Variants in BAHCC1 observed in about 807,000 individuals in gnomAD.
BAHCC1 encodes the protein BAH domain and coiled-coil containing 1.
Under a neutral mutation model 88.2 loss-of-function variants are expected in BAHCC1, and 43 were observed. The ratio of observed to expected loss-of-function variants is 0.49; its 90% CI spans 0.38 to 0.63. BAHCC1 has a LOEUF of 0.63. BAHCC1 is among the 20% of genes least tolerant of loss of function. The probability of loss-of-function intolerance (pLI) is 0.00; values close to 1 mark genes in which losing one functional copy is unlikely to be tolerated. For missense variants in BAHCC1, 3,023 were observed against 1,654.8 expected, an observed-to-expected ratio of 1.83 and a Z score of -14.34; for synonymous variants, 1,510 against 745.5, an observed-to-expected ratio of 2.03 and a Z score of -16.71.
rs888162095 is a variant in BAHCC1, at chr17:81,431,560, C to A, written c.358+4581C>A. Among the ~76,000 whole-genome samples, 604 of 152,272 alleles carry A rather than the reference C, an allele frequency of 4.0e-3. 5 individuals are homozygous for A. Among genetic ancestry groups the A allele is most frequent in the African/African-American group, 0.014 (578 of 41,544 alleles). ...CCCAGGGAGGTTGGGGAGAGGGCCA[C>A]CCCTGGTTTGGATAAAGGGCCTGGT... On this transcript the variant is annotated intron_variant, in intron 3 of 27. Transcript: ENST00000675386.
intron 3 of BAHCC1, among the ~76,000 whole-genome samples, chr17:81,428,876 C>T (rs1215443258): frequency 6.6e-6 from 1 of 152,256 alleles, no homozygotes; most frequent in Non-Finnish European, 1.5e-5. Context: ...TGGGAGTCCC[C>T]CTGGCTGGGT....
chr17:81,397,753 A>G (rs1467944065), intron 1 of BAHCC1, among the ~76,000 whole-genome samples: 7 of 152,120 alleles, frequency 4.6e-5, no homozygotes, highest in Non-Finnish European at 7.4e-5. Context: ...GAGCCGAGCT[A>G]TTTGTTAGAC....
intron 2 of BAHCC1, among the ~76,000 whole-genome samples, chr17:81,410,398 G>A (rs1331024427): frequency 3.3e-5 from 5 of 152,210 alleles, no homozygotes; most frequent in South Asian, 2.1e-4. Flanking sequence ...TAGTCTGGCC[G>A]TAGAACTAGG....
intron 2 of BAHCC1, among the ~76,000 whole-genome samples, chr17:81,424,692 G>GATGTGGTTGGTGATGATA (rs1286474166): frequency 1.5e-4 from 22 of 151,578 alleles, no homozygotes; most frequent in Non-Finnish European, 2.2e-4. Flanking sequence ...TGGTGGAGGT[G>GATGTGGTTGGTGATGATA]ATGTGGTTGG....
At chr17:81,416,949 T>G (rs1224275666) in intron 2 of BAHCC1, among the ~76,000 whole-genome samples, 1 of 152,190 alleles carries the variant, frequency 6.6e-6, no homozygotes, top group Non-Finnish European at 1.5e-5. Context: ...ATGGCTGCTG[T>G]GCCCAGGGAG....
Position 81,399,527 on chromosome 17 carries a change from TC to T in BAHCC1, c.-206-5del. On this transcript the variant is annotated splice_polypyrimidine_tract_variant and splice_region_variant and intron_variant, in intron 1 of 27. Transcript: ENST00000675386. The surrounding 1 kb of genome is among the most constrained non-coding windows in gnomAD (Gnocchi z 4.5). ...CACCCGTGTCTCCTCTGCTTTTGCC[TC>T]CACAGACCATGGACCCGCACAGCGG... is the stretch of plus-strand genomic sequence containing the variant. The T allele has an allele frequency of 2.7e-6, 1 of 364,352 alleles. No homozygotes were observed. Among genetic ancestry groups the T allele is most frequent in the Non-Finnish European group, 5.5e-6 (1 of 182,922 alleles). The allele number at this position is 364,352 out of a possible 1,614,324, so 22.6% of individuals were successfully genotyped here.
chr17:81,401,105 TGTGTGGATTAAAAC>T (rs1555645966), intron 2 of BAHCC1: 1 of 152,218 alleles, frequency 6.6e-6, no homozygotes, highest in East Asian at 1.9e-4. Context: ...TTACAATTAG[TGTGTGGATTAAAAC>T]GGATGGCAGA....
At chr17:81,406,685 C>T (rs1353154939) in intron 2 of BAHCC1, among the ~76,000 whole-genome samples, 2 of 152,264 alleles carry the variant, frequency 1.3e-5, no homozygotes, top group African/African-American at 4.8e-5. Context: ...TATAATATTA[C>T]TGCCTCCCGT....
chr17:81,398,525 C>T (rs547444545), intron 1 of BAHCC1, among the ~76,000 whole-genome samples: 34 of 152,346 alleles, frequency 2.2e-4, no homozygotes, highest in African/African-American at 7.9e-4. Context: ...GGCCTCTGCT[C>T]GCGGTCCCCG....
intron 2 of BAHCC1, among the ~76,000 whole-genome samples, chr17:81,406,542 T>G (rs1443276305): frequency 6.6e-6 from 1 of 152,204 alleles, no homozygotes; most frequent in Non-Finnish European, 1.5e-5. Context: ...CTGCAAAGGA[T>G]GGGGCCTGGA....
rs1555652766 is a variant in BAHCC1 at position 81,442,328 on chromosome 17, C to A, written c.979C>A (p.Pro327Thr). ...SGRCAKEAAG[P>T]PEPGPAFSEC... ...GCGCTGTGCAAAGGAGGCAGCAGGC[C>A]CCCCGGAGCCCGGGCCGGCCTTCAG... The change falls in exon 5 of 28, where the codon CCC becomes ACC. Residue 327 changes from proline to threonine, a missense_variant. Coordinates refer to ENST00000675386, the MANE Select transcript of BAHCC1 (RefSeq NM_001377448.1). 38 of 683,428 alleles carry A rather than the reference C, an allele frequency of 5.6e-5. No individual in the cohort carries two copies. Among genetic ancestry groups the A allele is most frequent in the Non-Finnish European group, 2.4e-5 (9 of 375,078 alleles). The allele number at this position is 683,428 out of a possible 1,614,324, so 42.3% of individuals were successfully genotyped here. A position where few individuals can be genotyped will look rare whatever the true frequency, so the allele number is the denominator to read the frequency against.
At chr17:81,446,082 G>A (rs1208957199) in intron 10 of BAHCC1, among the ~76,000 whole-genome samples, 1 of 152,036 alleles carries the variant, frequency 6.6e-6, no homozygotes, top group African/African-American at 2.4e-5. Context: ...GCGAGGCGGG[G>A]TGCCTGGGTG....
chr17:81,415,562 C>T (rs1483450609), intron 2 of BAHCC1: 1 of 516,098 alleles, frequency 1.9e-6, no homozygotes, highest in Non-Finnish European at 3.9e-6. Flanking sequence ...CTGCAGTGAC[C>T]TGTGCTGGCC....
At chr17:81,405,035 C>T (rs1045238563) in intron 2 of BAHCC1, among the ~76,000 whole-genome samples, 1 of 152,104 alleles carries the variant, frequency 6.6e-6, no homozygotes, top group African/African-American at 2.4e-5. Context: ...ATAGTAGCAT[C>T]GTCTGGTGTG....
In BAHCC1 at chr17:81,452,834, C is replaced by T. The variant is rs781810432; in HGVS notation, c.4428C>T (p.Ser1476=). ...APRPTGPLPR[S]DGKKVKAVRT... ...GTCCCACGGGGCCGCTCCCCAGGAGCGATGGCAAGAAAGTCAAGTGAGTCC... is the reference window on the plus strand; with the variant it reads ...GTCCCACGGGGCCGCTCCCCAGGAGTGATGGCAAGAAAGTCAAGTGAGTCC... Residue 1476 remains serine (S), a synonymous_variant, in exon 14 of 28, where the codon AGC becomes AGT. Transcript: ENST00000675386. 1.1e-5 allele frequency: 8 copies of T among 745,528 alleles called. No homozygotes were observed. Among genetic ancestry groups the T allele is most frequent in the South Asian group, 7.1e-5 (5 of 70,260 alleles). The allele number at this position is 745,528 out of a possible 1,614,324, so 46.2% of individuals were successfully genotyped here.
At position 81,464,036 on chromosome 17, in the gene BAHCC1, G is replaced by A; in HGVS notation, c.*219G>A. 1.7e-6 allele frequency: 1 copy of A among 586,606 alleles called. No homozygotes were observed. Among genetic ancestry groups the A allele is most frequent in the South Asian group, 2.0e-5 (1 of 49,804 alleles). 36.3% of individuals were successfully genotyped at this position (586,606 alleles called of 1,614,324 possible). On this transcript the variant is annotated 3_prime_UTR_variant, in exon 28 of 28. Coordinates refer to ENST00000675386, the MANE Select transcript of BAHCC1 (RefSeq NM_001377448.1). ...AGTCCCGTCCCATCCTCTGCGGAGG[G>A]TCGGGCTGTGGCCCTCATGGGTCCC...
intron 2 of BAHCC1, among the ~76,000 whole-genome samples, chr17:81,418,702 T>C (rs2064066653): frequency 6.6e-6 from 1 of 152,134 alleles, no homozygotes; most frequent in South Asian, 2.1e-4. Context: ...CCCAGCTGTG[T>C]GGCTCCCATG....
chr17:81,446,948 G>C (rs1226081955), intron 10 of BAHCC1, 88 bp from the exon 11 acceptor site: 1 of 741,352 alleles, frequency 1.3e-6, no homozygotes, highest in African/African-American at 1.7e-5. Context: ...TGGGTCTGAG[G>C]GTTCGAGGCC....
At chr17:81,460,208 C>T (rs889695621) in intron 23 of BAHCC1, 69 bp from the exon 24 acceptor site, 41 of 698,378 alleles carry the variant, frequency 5.9e-5, no homozygotes, top group Non-Finnish European at 1.0e-4. Context: ...CCGGCTTTGG[C>T]AGCCCCGCCT....
Sources: allele counts gnomAD v4.1 joint callset (sites outside exome capture counted in the v4.1 genomes callset), GRCh38; gene constraint gnomAD v4.1.1; non-coding constraint Gnocchi (gnomAD v3.1); transcripts MANE v1.5; gene names NCBI Gene and HGNC (gene_info 2026-07-23, HGNC 2026-07-21).